Variants in NAA20 observed in about 807,000 individuals in gnomAD.
NAA20 encodes the protein N-alpha-acetyltransferase 20, NatB catalytic subunit, also known as N-alpha-acetyltransferase 20.
In NAA20, 24 loss-of-function variants were observed where a neutral mutation model predicts 23.8. The observed-to-expected ratio is 1.01, with a 90% CI of 0.73 to 1.42. NAA20 has a LOEUF of 1.42. Among genes scored for constraint, NAA20 ranks in the 40% most tolerant of loss-of-function variants. The pLI, the probability that NAA20 is intolerant of heterozygous loss-of-function variation, is 0.00. For synonymous variants in NAA20, 83 were observed against 77.7 expected (o/e 1.07, Z -0.36); for missense variants, 166 against 223.1 (o/e 0.74, Z 1.63).
chr20:20,027,416 C>T (rs946110340), intron 4 of NAA20, among the ~76,000 whole-genome samples: 3 of 152,114 alleles, frequency 2.0e-5, no homozygotes, highest in African/African-American at 7.2e-5. Flanking sequence ...TCTTAAATAA[C>T]TGTGGCTAGC....
At chr20:20,029,695 C>T (rs1287008578) in intron 4 of NAA20, among the ~76,000 whole-genome samples, 3 of 150,326 alleles carry the variant, frequency 2.0e-5, no homozygotes, top group African/African-American at 7.4e-5. Context: ...CACAAATTGA[C>T]AAAACTACAA....
chr20:20,029,616 C>CAA (rs59199004), intron 4 of NAA20, among the ~76,000 whole-genome samples: 17 of 125,410 alleles, frequency 1.4e-4, no homozygotes, highest in African/African-American at 2.9e-4. Flanking sequence ...GACTCCATCT[C>CAA]AAAAAAAAAA....
chr20:20,022,524 T>C lies in NAA20; in HGVS notation c.78+44T>C, dbSNP rs775557960. On this transcript the variant is annotated intron_variant, in intron 2 of 5. Coordinates refer to ENST00000334982, the MANE Select transcript of NAA20 (RefSeq NM_016100.5). ...AAAAAAAAGTTGAATGAAGATTTAC[T>C]GAGAATAAAGAAAACAGAAATGAAA... 8.1e-6 allele frequency: 12 copies of C among 1,481,048 alleles called. No individual in the cohort carries two copies. The East Asian group carries it at 2.8e-4, about 34-fold the overall frequency. 91.7% of individuals were successfully genotyped at this position (1,481,048 alleles called of 1,614,324 possible). A position where few individuals can be genotyped will look rare whatever the true frequency, so the allele number is the denominator to read the frequency against.
Position 20,025,706 on chromosome 20 carries a change from C to T in NAA20, c.108C>T (p.Leu36=), listed in dbSNP as rs779436914. The part of the protein sequence containing the change: ...TYGIPFYLQY[L]AHWPEYFIVA... ...GGATTCCTTTCTACCTACAATACCTCGCCCACTGGCCAGAGTATTTCATTG... is the reference window on the plus strand; with the variant it reads ...GGATTCCTTTCTACCTACAATACCTTGCCCACTGGCCAGAGTATTTCATTG... The change falls in exon 3 of 6, where the codon CTC becomes CTT. Residue 36 remains leucine, a synonymous_variant. Transcript: ENST00000334982. The T allele has an allele frequency of 9.9e-6, 16 of 1,612,214 alleles. No homozygotes were observed. In the Admixed American group the frequency reaches 1.2e-4, roughly 12 times the overall value.
At position 20,017,456 on chromosome 20, in the gene NAA20, GAC is replaced by G; in HGVS notation, c.53+10_53+11del. On this transcript the variant is annotated splice_region_variant and intron_variant, in intron 1 of 5. Transcript: ENST00000334982. ...TGTTCCGCTTCAACAACATGTGAGT[GAC>G]ACGCGCCTAGGGCCAGCCGCTCTTG... 3 of 1,609,282 alleles carry G rather than the reference GAC, an allele frequency of 1.9e-6. No individual in the cohort carries two copies. Among genetic ancestry groups the G allele is most frequent in the Non-Finnish European group, 2.5e-6 (3 of 1,178,488 alleles).
chr20:20,029,518 G>A (rs2043328091), intron 4 of NAA20, among the ~76,000 whole-genome samples: 1 of 151,668 alleles, frequency 6.6e-6, no homozygotes, highest in African/African-American at 2.4e-5. Flanking sequence ...TCGGGAGGCT[G>A]AGGCAGGAGA....
chr20:20,026,928 C>G lies in NAA20; in HGVS notation c.305+9C>G, dbSNP rs1434145086. 2 of 1,613,926 alleles carry G rather than the reference C, an allele frequency of 1.2e-6. No individual in the cohort carries two copies. The highest frequency in any genetic ancestry group is 1.7e-6 in the Non-Finnish European group (2 of 1,179,954). On this transcript the variant is annotated intron_variant, in intron 4 of 5. Transcript: ENST00000334982. ...GAGGAGATTTCAGAAAGGTGAGATTCAGTTTTTCAAATACACTTAGTGATT... is the reference window on the plus strand; with the variant it reads ...GAGGAGATTTCAGAAAGGTGAGATTGAGTTTTTCAAATACACTTAGTGATT...
At chr20:20,024,776 C>T (rs189240888) in intron 2 of NAA20, among the ~76,000 whole-genome samples, 86 of 152,148 alleles carry the variant, frequency 5.7e-4, no homozygotes, top group Middle Eastern at 3.4e-3. Flanking sequence ...GGCTGTCCTG[C>T]CATGTTAAGG....
At chr20:20,022,366 T>C in intron 1 of NAA20, 90 bp from the exon 2 acceptor site, 1 of 1,294,798 alleles carries the variant, frequency 7.7e-7, no homozygotes, top group Non-Finnish European at 1.1e-6. Context: ...TTGTTTTCCT[T>C]GTGGCATATT....
chr20:20,017,695 A>G, intron 1 of NAA20: 1 of 1,425,348 alleles, frequency 7.0e-7, no homozygotes, highest in South Asian at 1.5e-5. Context: ...TTGTCTCTGG[A>G]CCCTGCGAGC....
At chr20:20,030,804 AAGGT>A (rs1342899592) in intron 4 of NAA20, among the ~76,000 whole-genome samples, 2 of 152,082 alleles carry the variant, frequency 1.3e-5, no homozygotes, top group South Asian at 2.1e-4. Context: ...GAATTAATAA[AAGGT>A]AGGCAAGGTT....
intron 2 of NAA20, among the ~76,000 whole-genome samples, chr20:20,024,429 A>C (rs2043293527): frequency 6.6e-6 from 1 of 152,196 alleles, no homozygotes. Flanking sequence ...CAGAAACAAA[A>C]CTGAATGGGA....
In NAA20 at chr20:20,033,568, CT is replaced by C. The variant is rs2043364505; in HGVS notation, c.*384del. On this transcript the variant is annotated 3_prime_UTR_variant, in exon 6 of 6. Coordinates refer to ENST00000334982, the MANE Select transcript of NAA20 (RefSeq NM_016100.5). ...TTTTGTATTGAACTGTTAATTGAAG[CT>C]TTAAAAGCATATATGAAATGTATAA... 6.1e-6 allele frequency: 1 copy of C among 163,204 alleles called. No individual in the cohort carries two copies. The highest frequency in any genetic ancestry group is 2.4e-5 in the African/African-American group (1 of 41,722). 10.1% of individuals were successfully genotyped at this position (163,204 alleles called of 1,614,324 possible). A position where few individuals can be genotyped will look rare whatever the true frequency, so the allele number is the denominator to read the frequency against.
At position 20,033,287 on chromosome 20, in the gene NAA20, T is replaced by G; in HGVS notation, c.*100T>G. The G allele has an allele frequency of 1.0e-6, 1 of 969,112 alleles. No individual in the cohort carries two copies. Among genetic ancestry groups the G allele is most frequent in the Non-Finnish European group, 1.6e-6 (1 of 640,436 alleles). The allele number at this position is 969,112 out of a possible 1,614,324, so 60.0% of individuals were successfully genotyped here. ...GCTCTATTAGGAGAAAAGTAATCAT[T>G]TTAGGTCTTAAAGACTTCAAGAAAA... On this transcript the variant is annotated 3_prime_UTR_variant, in exon 6 of 6. Transcript: ENST00000334982.
intron 1 of NAA20, chr20:20,017,880 C>T: frequency 1.3e-6 from 2 of 1,585,828 alleles, no homozygotes; most frequent in African/African-American, 2.7e-5. Context: ...AGGGCACCGC[C>T]GACGGCCAGG....
chr20:20,032,711 C>A, intron 5 of NAA20, 58 bp downstream of exon 5: 1 of 1,492,816 alleles, frequency 6.7e-7, no homozygotes, highest in Non-Finnish European at 8.9e-7. Context: ...ATTCTTTCTA[C>A]AGATTGTAGT....
intron 4 of NAA20, among the ~76,000 whole-genome samples, chr20:20,027,749 G>T (rs2043315510): frequency 6.8e-6 from 1 of 146,760 alleles, no homozygotes; most frequent in Non-Finnish European, 1.5e-5. Flanking sequence ...TGCCAGCATG[G>T]CATTTTTTTT....
intron 1 of NAA20, 109 bp from the exon 2 acceptor site, chr20:20,022,347 A>C: frequency 8.9e-7 from 1 of 1,126,456 alleles, no homozygotes; most frequent in Non-Finnish European, 1.3e-6. Context: ...GTTGTTGATG[A>C]AACATGTTTT....
At chr20:20,017,766 G>GT in intron 1 of NAA20, 1 of 1,438,450 alleles carries the variant, frequency 7.0e-7, no homozygotes, top group Non-Finnish European at 9.1e-7. Flanking sequence ...AGGCGCTGGG[G>GT]TGATGGGGCG....
Sources: allele counts gnomAD v4.1 joint callset (sites outside exome capture counted in the v4.1 genomes callset), GRCh38; gene constraint gnomAD v4.1.1; transcripts MANE v1.5; gene names NCBI Gene and HGNC (gene_info 2026-07-23, HGNC 2026-07-21).